The following LRRC4C variants were observed in gnomAD, a reference collection of about 807,000 sequenced individuals.
LRRC4C encodes the protein leucine rich repeat containing 4C.
In LRRC4C, 5 loss-of-function variants were observed where a neutral mutation model predicts 33.6. The ratio of observed to expected loss-of-function variants is 0.15; its 90% CI spans 0.08 to 0.31. The LOEUF (loss-of-function observed/expected upper bound fraction) is 0.31, where lower values mean the gene tolerates loss of function less well. Ranked by LOEUF, LRRC4C falls within the 10% of genes least tolerant of loss-of-function variation. The pLI is 1.00. For missense variants in LRRC4C, 560 were observed against 796.7 expected (o/e 0.70, Z 3.58); for synonymous variants, 329 against 302.0 (o/e 1.09, Z -0.93).
chr11:40,333,214 C>CAGTTTTATT (rs1483320881), intron 3 of LRRC4C, among the ~76,000 whole-genome samples: 2 of 151,992 alleles, frequency 1.3e-5, no homozygotes, highest in African/African-American at 4.8e-5. Flanking sequence ...TCCTTAAGCT[C>CAGTTTTATT]AGTTTTATTA....
chr11:40,217,258 T>C (rs555162524), intron 5 of LRRC4C, among the ~76,000 whole-genome samples: 28 of 152,202 alleles, frequency 1.8e-4, no homozygotes, highest in African/African-American at 6.5e-4. Flanking sequence ...CTTTATAATA[T>C]AGGTAATATT....
intron 1 of LRRC4C, among the ~76,000 whole-genome samples, chr11:41,312,792 A>C (rs1950679329): frequency 6.6e-6 from 1 of 152,204 alleles, no homozygotes; most frequent in Non-Finnish European, 1.5e-5. Flanking sequence ...AGTAACAAAG[A>C]AGGGAAAACG....
At chr11:40,344,891 A>G (rs1268149539) in intron 3 of LRRC4C, among the ~76,000 whole-genome samples, 2 of 152,130 alleles carry the variant, frequency 1.3e-5, no homozygotes, top group African/African-American at 4.8e-5. Flanking sequence ...CAAGAATGCA[A>G]TCTCATTCAC....
intron 1 of LRRC4C, among the ~76,000 whole-genome samples, chr11:41,112,541 G>A (rs541513587): frequency 2.6e-5 from 4 of 152,074 alleles, no homozygotes; most frequent in African/African-American, 9.6e-5. Context: ...TTGAATCAAG[G>A]CAATGGGCAT....
chr11:40,631,266 G>A (rs1057181962), intron 3 of LRRC4C, among the ~76,000 whole-genome samples: 1 of 152,130 alleles, frequency 6.6e-6, no homozygotes, highest in African/African-American at 2.4e-5. Flanking sequence ...TGTGCTGAGT[G>A]TTGGCTGATG....
At chr11:40,487,994 T>C (rs960688589) in intron 3 of LRRC4C, among the ~76,000 whole-genome samples, 5 of 152,078 alleles carry the variant, frequency 3.3e-5, no homozygotes, top group African/African-American at 1.2e-4. Context: ...TAAGGATGAG[T>C]AAAATGACTT....
At chr11:41,404,921 T>C (rs1454631923) in intron 1 of LRRC4C, among the ~76,000 whole-genome samples, 1 of 152,126 alleles carries the variant, frequency 6.6e-6, no homozygotes, top group East Asian at 1.9e-4. Flanking sequence ...ACCATTCAGA[T>C]AATATGGAAA....
intron 1 of LRRC4C, among the ~76,000 whole-genome samples, chr11:41,301,401 G>A (rs1232272618): frequency 6.6e-6 from 1 of 152,048 alleles, no homozygotes; most frequent in African/African-American, 2.4e-5. Flanking sequence ...AATTGATGGG[G>A]GTGGGAAAAA....
chr11:40,657,734 G>T (rs1943204722), intron 2 of LRRC4C, among the ~76,000 whole-genome samples: 1 of 152,112 alleles, frequency 6.6e-6, no homozygotes, highest in Non-Finnish European at 1.5e-5. Context: ...CCCAGACTGT[G>T]CCCCGACCAC....
intron 6 of LRRC4C, among the ~76,000 whole-genome samples, chr11:40,132,003 G>A (rs1032935858): frequency 6.6e-6 from 1 of 152,124 alleles, no homozygotes; most frequent in Non-Finnish European, 1.5e-5. Flanking sequence ...CCTCCTGAAA[G>A]TATACGCCAA....
chr11:40,370,156 C>T (rs1157007248), intron 3 of LRRC4C, among the ~76,000 whole-genome samples: 1 of 152,028 alleles, frequency 6.6e-6, no homozygotes, highest in African/African-American at 2.4e-5. Context: ...AAATCTAGGC[C>T]TGAGGGACCC....
chr11:41,272,907 A>G (rs1949365448), intron 1 of LRRC4C, among the ~76,000 whole-genome samples: 1 of 152,130 alleles, frequency 6.6e-6, no homozygotes, highest in Non-Finnish European at 1.5e-5. Context: ...GCATGAAGCA[A>G]TTAAGAGTCA....
intron 2 of LRRC4C, among the ~76,000 whole-genome samples, chr11:40,767,296 C>T (rs1949522120): frequency 6.6e-6 from 1 of 151,902 alleles, no homozygotes; most frequent in South Asian, 2.1e-4. Flanking sequence ...ATGTATATGC[C>T]TCCAACAATG....
intron 1 of LRRC4C, among the ~76,000 whole-genome samples, chr11:41,225,645 A>G (rs1947500175): frequency 6.6e-6 from 1 of 151,420 alleles, no homozygotes. Flanking sequence ...TTTTATTTAT[A>G]TATATTTTTT....
At chr11:40,222,864 G>A (rs1431700129) in intron 5 of LRRC4C, among the ~76,000 whole-genome samples, 3 of 151,978 alleles carry the variant, frequency 2.0e-5, no homozygotes, top group East Asian at 3.9e-4. Context: ...ATACAGTTTC[G>A]ATCGTCAGAT....
At chr11:40,276,136 A>T (rs1160684561) in intron 4 of LRRC4C, among the ~76,000 whole-genome samples, 1 of 152,158 alleles carries the variant, frequency 6.6e-6, no homozygotes, top group African/African-American at 2.4e-5. Context: ...GAACTGCATT[A>T]AAACAGTGCT....
chr11:40,876,331 T>C (rs1242552380), intron 2 of LRRC4C, among the ~76,000 whole-genome samples: 4 of 146,166 alleles, frequency 2.7e-5, no homozygotes, highest in South Asian at 4.5e-4. Context: ...CAGGTGATCA[T>C]GCACCAGCTA....
intron 1 of LRRC4C, among the ~76,000 whole-genome samples, chr11:41,057,792 T>C (rs1858740369): frequency 6.6e-6 from 1 of 152,098 alleles, no homozygotes; most frequent in Non-Finnish European, 1.5e-5. Flanking sequence ...GCACAGATAA[T>C]GGGACAACCA....
chr11:41,165,172 C>T (rs1387957963), intron 1 of LRRC4C, among the ~76,000 whole-genome samples: 1 of 152,088 alleles, frequency 6.6e-6, no homozygotes, highest in Non-Finnish European at 1.5e-5. Context: ...GCGATGGCCC[C>T]CTGGTCCCAC....
Sources: allele counts gnomAD v4.1 joint callset (sites outside exome capture counted in the v4.1 genomes callset), GRCh38; gene constraint gnomAD v4.1.1; transcripts MANE v1.5; gene names NCBI Gene and HGNC (gene_info 2026-07-23, HGNC 2026-07-21).